The following SUPT6H variants were observed in gnomAD, a reference collection of about 807,000 sequenced individuals.
The protein encoded by SUPT6H is SPT6 homolog, histone chaperone and transcription elongation factor, also known as transcription elongation factor SPT6.
SUPT6H carries 11 observed loss-of-function variants against 222.3 expected under a neutral mutation model. The observed-to-expected ratio is 0.05, with a 90% CI of 0.03 to 0.08. The LOEUF is 0.08. Ranked by LOEUF, SUPT6H falls within the 10% of genes least tolerant of loss-of-function variation. SUPT6H has a pLI of 1.00. For missense variants in SUPT6H, 1,422 were observed against 2,216.0 expected (o/e 0.64, Z 7.19); for synonymous variants, 762 against 801.2 (o/e 0.95, Z 0.83).
chr17:28,677,982 T>G, intron 8 of SUPT6H, 94 bp from the exon 9 acceptor site: 1 of 1,417,520 alleles, frequency 7.1e-7, no homozygotes, highest in Non-Finnish European at 9.8e-7. Context: ...TTAGATTTCA[T>G]CTAGAAAGGT....
At chr17:28,685,304 G>T (rs936506969) in intron 19 of SUPT6H, among the ~76,000 whole-genome samples, 12 of 151,896 alleles carry the variant, frequency 7.9e-5, no homozygotes, top group African/African-American at 2.9e-4. Context: ...AGCCTTTCAG[G>T]GTGTCTTTTT....
Position 28,675,630 on chromosome 17 carries a change from A to C in SUPT6H, c.623+145A>C, listed in dbSNP as rs2030699921. 3 of 785,180 alleles carry C rather than the reference A, an allele frequency of 3.8e-6. No homozygotes were observed. In the Admixed American group the frequency reaches 7.0e-5, roughly 18 times the overall value. 48.6% of individuals were successfully genotyped at this position (785,180 alleles called of 1,614,324 possible). A position where few individuals can be genotyped will look rare whatever the true frequency, so the allele number is the denominator to read the frequency against. ...CTGCCTCAAATAACCTCTACCAGGC[A>C]GTGATTTCAGACTGCTCCCGGAAGC... On this transcript the variant is annotated intron_variant, in intron 6 of 36. Coordinates refer to ENST00000314616, the MANE Select transcript of SUPT6H (RefSeq NM_003170.5).
Position 28,677,759 on chromosome 17 carries a change from A to C in SUPT6H, c.942A>C (p.Glu314Asp), listed in dbSNP as rs762372360. The part of the protein sequence containing the change: ...PVKGAEDDEL[E>D]EEADWIYRNA... ...AGGGGGCTGAAGATGATGAACTAGA[A>C]GAAGAAGCTGACTGGATCTACAGGA... is the stretch of plus-strand genomic sequence containing the variant. Residue 314 changes from glutamate (E) to aspartate (D), a missense_variant, in exon 8 of 37, where the codon GAA becomes GAC. Coordinates refer to ENST00000314616, the MANE Select transcript of SUPT6H (RefSeq NM_003170.5). 1 of 1,614,128 alleles carries C rather than the reference A, an allele frequency of 6.2e-7. No individual in the cohort carries two copies. The highest frequency in any genetic ancestry group is 1.3e-5 in the African/African-American group (1 of 74,938).
chr17:28,676,060 C>G, intron 6 of SUPT6H, 97 bp from the exon 7 acceptor site: 1 of 1,402,130 alleles, frequency 7.1e-7, no homozygotes, highest in Non-Finnish European at 9.6e-7. Context: ...TCCTAACCCT[C>G]TCAGTTCCCT....
chr17:28,678,136 A>T lies in SUPT6H; in HGVS notation c.1060A>T (p.Ser354Cys), dbSNP rs1315773317. ...CAGCAGCTTCAGTCGGAAAGGGCCCAGCACAATTCAGAAGATCAAAGAGGC... is the reference window on the plus strand; with the variant it reads ...CAGCAGCTTCAGTCGGAAAGGGCCCTGCACAATTCAGAAGATCAAAGAGGC... ...PASSFSRKGP[S>C]TIQKIKEALG... Residue 354 changes from serine (S) to cysteine (C), a missense_variant, in exon 9 of 37, where the codon AGC becomes TGC. By Grantham distance (112) the Ser-to-Cys change is moderately radical. Transcript: ENST00000314616. The T allele has an allele frequency of 6.2e-7, 1 of 1,609,734 alleles. No individual in the cohort carries two copies. Among genetic ancestry groups the T allele is most frequent in the Non-Finnish European group, 8.5e-7 (1 of 1,178,996 alleles).
At position 28,663,828 on chromosome 17, in the gene SUPT6H, AT is replaced by A. The variant is rs71135839; in HGVS notation, c.-32+1503del. On this transcript the variant is annotated intron_variant, in intron 1 of 36. Coordinates refer to ENST00000314616, the MANE Select transcript of SUPT6H (RefSeq NM_003170.5). ...ATCTGGCTTCTCTTCTGCCCACTCC[AT>A]TTTTTTTTTTTTTTTTGTGGAGACA... Among the ~76,000 whole-genome samples, 6 of 38,400 alleles carry A rather than the reference AT, an allele frequency of 1.6e-4. 1 individual carries two copies. Among genetic ancestry groups the A allele is most frequent in the African/African-American group, 4.8e-4 (5 of 10,488 alleles). 25.2% of individuals were successfully genotyped at this position (38,400 alleles called of 152,430 possible).
At chr17:28,701,414 ATC>A in intron 36 of SUPT6H, 23 bp from the exon 37 acceptor site, 1 of 1,607,990 alleles carries the variant, frequency 6.2e-7, no homozygotes, top group Non-Finnish European at 8.5e-7. Flanking sequence ...CAAAGTCCCA[ATC>A]TCAACTTTTC....
chr17:28,690,826 A>G, intron 26 of SUPT6H, 95 bp from the exon 27 acceptor site: 1 of 1,396,234 alleles, frequency 7.2e-7, no homozygotes, highest in Non-Finnish European at 9.8e-7. Context: ...CAAGGATGGG[A>G]AGGAAGTCAG....
rs28753762 is a variant in SUPT6H, at chr17:28,687,378, C to T, written c.2913C>T (p.Val971=). ...TCAACCGAGTCAATGAGGTCGGGGTCGATGTCAACCGTGCCATTGCCCACC... is the reference window on the plus strand; with the variant it reads ...TCAACCGAGTCAATGAGGTCGGGGTTGATGTCAACCGTGCCATTGCCCACC... The part of the protein sequence containing the change: ...EFINRVNEVG[V]DVNRAIAHPY... Residue 971 remains valine, a synonymous_variant, in exon 23 of 37, where the codon GTC becomes GTT. Coordinates refer to ENST00000314616, the MANE Select transcript of SUPT6H (RefSeq NM_003170.5). The T allele has an allele frequency of 0.094, 151,613 of 1,614,020 alleles. 7,707 individuals are homozygous for T. Among genetic ancestry groups the T allele is most frequent in the South Asian group, 0.15 (13,774 of 91,078 alleles).
rs1176670180 is a variant in SUPT6H, at chr17:28,696,995, T to C, written c.4122T>C (p.Ser1374=). 6.2e-7 allele frequency: 1 copy of C among 1,613,964 alleles called. No individual in the cohort carries two copies. The highest frequency in any genetic ancestry group is 1.1e-5 in the South Asian group (1 of 91,062). The change falls in exon 30 of 37, where the codon AGT becomes AGC. Residue 1374 remains serine, a synonymous_variant. Transcript: ENST00000314616. ...ENHLTVTWKV[S]DGIYQHVDVR... Reference sequence around the variant, plus strand: ...ACCTGACAGTGACCTGGAAAGTCAGTGATGGCATCTACCAGCATGTGGATG... The same window carrying C: ...ACCTGACAGTGACCTGGAAAGTCAGCGATGGCATCTACCAGCATGTGGATG...
chr17:28,664,808 C>T (rs1480325001), intron 1 of SUPT6H, among the ~76,000 whole-genome samples: 1 of 152,206 alleles, frequency 6.6e-6, no homozygotes, highest in East Asian at 1.9e-4. Flanking sequence ...TGCTCCTATC[C>T]GCAGGGTTAC....
chr17:28,693,255 G>GT (rs2031756070), intron 27 of SUPT6H, among the ~76,000 whole-genome samples: 1 of 152,048 alleles, frequency 6.6e-6, no homozygotes, highest in Non-Finnish European at 1.5e-5. Context: ...GAGGTCAGGA[G>GT]TTTGAGACCA....
At chr17:28,700,051 C>A in intron 33 of SUPT6H, 122 bp from the exon 34 acceptor site, 1 of 1,467,434 alleles carries the variant, frequency 6.8e-7, no homozygotes. Context: ...GGTTCTCCAT[C>A]CACTGTGCCT....
Position 28,696,992 on chromosome 17 carries a change from C to T in SUPT6H, c.4119C>T (p.Val1373=). The part of the protein sequence containing the change: ...GENHLTVTWK[V]SDGIYQHVDV... Reference sequence around the variant, plus strand: ...ACCACCTGACAGTGACCTGGAAAGTCAGTGATGGCATCTACCAGCATGTGG... The same window carrying T: ...ACCACCTGACAGTGACCTGGAAAGTTAGTGATGGCATCTACCAGCATGTGG... Residue 1373 remains valine (V), a synonymous_variant, in exon 30 of 37, where the codon GTC becomes GTT. Coordinates refer to ENST00000314616, the MANE Select transcript of SUPT6H (RefSeq NM_003170.5). 6.2e-7 allele frequency: 1 copy of T among 1,614,028 alleles called. No individual in the cohort carries two copies. Among genetic ancestry groups the T allele is most frequent in the Non-Finnish European group, 8.5e-7 (1 of 1,180,016 alleles).
chr17:28,687,589 T>C, intron 23 of SUPT6H, 118 bp downstream of exon 23: 1 of 1,175,506 alleles, frequency 8.5e-7, no homozygotes, highest in Non-Finnish European at 1.2e-6. Context: ...TTGTCCAAAA[T>C]CACTCAGCTA....
At chr17:28,669,917 G>C (rs1472813852) in intron 1 of SUPT6H, 1 of 152,390 alleles carries the variant, frequency 6.6e-6, no homozygotes, top group South Asian at 2.1e-4. Flanking sequence ...TCCTGGGTGA[G>C]AGAGTAAGAC....
intron 11 of SUPT6H, among the ~76,000 whole-genome samples, chr17:28,680,003 AAAG>A (rs375843722): frequency 0.061 from 2,792 of 46,044 alleles, 80 homozygotes; most frequent in Non-Finnish European, 0.18. Context: ...AAAAAAAAAA[AAAG>A]AAAGAAAGAA....
Position 28,689,585 on chromosome 17 carries a change from G to T in SUPT6H, c.3342+24G>T, listed in dbSNP as rs370202592. On this transcript the variant is annotated intron_variant, in intron 25 of 36. Coordinates refer to ENST00000314616, the MANE Select transcript of SUPT6H (RefSeq NM_003170.5). ...AGGTAAGGGACAGCATGGAAGGCCC[G>T]GCAGGAGAACCCATCCCAAGTGGCC... 71 of 1,611,648 alleles carry T rather than the reference G, an allele frequency of 4.4e-5. No homozygotes were observed. In the African/African-American group the frequency reaches 8.6e-4, roughly 19 times the overall value.
intron 1 of SUPT6H, among the ~76,000 whole-genome samples, chr17:28,665,945 A>G (rs1278897355): frequency 2.6e-5 from 4 of 152,180 alleles, no homozygotes; most frequent in African/African-American, 9.7e-5. Context: ...TTGGATTAGC[A>G]AGTAGATTAA....
Sources: allele counts gnomAD v4.1 joint callset (sites outside exome capture counted in the v4.1 genomes callset), GRCh38; gene constraint gnomAD v4.1.1; transcripts MANE v1.5; gene names NCBI Gene and HGNC (gene_info 2026-07-23, HGNC 2026-07-21).